The following PBRM1 variants were observed in gnomAD, a reference collection of about 807,000 sequenced individuals.
PBRM1 encodes protein polybromo-1.
Under a neutral mutation model 194.5 loss-of-function variants are expected in PBRM1, and 27 were observed. That is an observed-to-expected ratio of 0.14 (90% CI 0.10 to 0.19). The LOEUF (loss-of-function observed/expected upper bound fraction) is 0.19, where lower values mean the gene tolerates loss of function less well. Among genes scored for constraint, PBRM1 ranks in the 10% least tolerant of loss-of-function variants. The pLI is 1.00. For synonymous variants in PBRM1, 655 were observed against 693.2 expected, an observed-to-expected ratio of 0.94 and a Z score of 0.87; for missense variants, 1,466 against 2,077.2, an observed-to-expected ratio of 0.71 and a Z score of 5.72.
chr3:52,664,412 G>GA (rs58727570), intron 3 of PBRM1, among the ~76,000 whole-genome samples: 12,607 of 101,092 alleles, frequency 0.12, 862 homozygotes, highest in Middle Eastern at 0.17. Context: ...TGAAAGAACT[G>GA]AAAAAAAAAA....
At chr3:52,627,403 A>C in intron 12 of PBRM1, 33 bp from the exon 14 acceptor site, 44 of 1,334,270 alleles carry the variant, frequency 3.3e-5, no homozygotes, top group Non-Finnish European at 4.5e-5. Flanking sequence ...AGTTGAGCTC[A>C]TGTGCCAAAC....
At chr3:52,565,489 T>C (rs891789107) in intron 22 of PBRM1, among the ~76,000 whole-genome samples, 4 of 142,574 alleles carry the variant, frequency 2.8e-5, no homozygotes, top group South Asian at 2.2e-4. Flanking sequence ...GCCTGGGCAA[T>C]AGAGCGAGAC....
intron 10 of PBRM1, among the ~76,000 whole-genome samples, chr3:52,638,232 C>G (rs2095903194): frequency 6.6e-6 from 1 of 152,140 alleles, no homozygotes; most frequent in Admixed American, 6.6e-5. Context: ...ATATTAGATT[C>G]ACAGGTTATG....
intron 17 of PBRM1, among the ~76,000 whole-genome samples, chr3:52,594,842 C>T (rs1382443757): frequency 6.6e-6 from 1 of 152,082 alleles, no homozygotes; most frequent in Non-Finnish European, 1.5e-5. Context: ...TTGGTTTGGC[C>T]GGACAGAAAT....
intron 13 of PBRM1, among the ~76,000 whole-genome samples, chr3:52,622,379 GACA>G (rs1576935184): frequency 1.3e-5 from 2 of 151,976 alleles, no homozygotes; most frequent in East Asian, 1.9e-4. Flanking sequence ...TACTTAGGAG[GACA>G]ACAATTCAGA....
chr3:52,584,714 C>G (rs1231631833), intron 20 of PBRM1, among the ~76,000 whole-genome samples: 1 of 151,936 alleles, frequency 6.6e-6, no homozygotes, highest in Non-Finnish European at 1.5e-5. Flanking sequence ...CCCTGGCCTC[C>G]CAAAGTTCTA....
intron 16 of PBRM1, 128 bp from the exon 19 acceptor site, chr3:52,603,860 G>A (rs912475208): frequency 1.8e-5 from 15 of 829,594 alleles, no homozygotes; most frequent in Non-Finnish European, 2.7e-5. Flanking sequence ...TCTATGAAGA[G>A]TATCTTTCCG....
intron 10 of PBRM1, 113 bp downstream of exon 11, chr3:52,641,841 T>A (rs376918329): frequency 5.1e-5 from 39 of 765,498 alleles, no homozygotes; most frequent in Middle Eastern, 4.6e-4. Flanking sequence ...TGCAATAAAA[T>A]AGCATGTACT....
intron 2 of PBRM1, among the ~76,000 whole-genome samples, chr3:52,674,050 C>CA (rs67067923): frequency 8.0e-5 from 11 of 137,240 alleles, no homozygotes; most frequent in East Asian, 2.2e-4. Context: ...GACACTGTCT[C>CA]AAAAAAAAAA....
At position 52,564,088 on chromosome 3, in the gene PBRM1, G is replaced by C. The variant is rs749972956; in HGVS notation, c.3837C>G (p.Leu1279=). The change falls in exon 23 of 30, where the codon CTC becomes CTG. Residue 1279 remains leucine (L), a synonymous_variant. Transcript: ENST00000296302. ...TTTCATCATCTACCACTTTAGCAGA[G>C]AGTGAAAACCTCTTCAATCCTTTGA... 7 of 1,613,368 alleles carry C rather than the reference G, an allele frequency of 4.3e-6. No individual in the cohort carries two copies. The Admixed American group carries it at 1.2e-4, about 27-fold the overall frequency.
In PBRM1 at chr3:52,587,343, A is replaced by G; in HGVS notation, c.3123+10T>C. On this transcript the variant is annotated intron_variant, in intron 19 of 29. Coordinates refer to ENST00000296302, the Ensembl canonical transcript of PBRM1. ...ATGAGTGAGACTTTGGGATTTAATG[A>G]GTTTCTTACCTTGACAAACATGACC... 6.3e-7 allele frequency: 1 copy of G among 1,581,986 alleles called. No individual in the cohort carries two copies. Among genetic ancestry groups the G allele is most frequent in the Non-Finnish European group, 8.6e-7 (1 of 1,156,790 alleles).
intron 13 of PBRM1, among the ~76,000 whole-genome samples, chr3:52,623,451 T>G (rs1039941359): frequency 2.0e-5 from 3 of 152,234 alleles, no homozygotes; most frequent in Non-Finnish European, 4.4e-5. Context: ...GTTCTTTCTT[T>G]TACAAGGCTT....
chr3:52,636,566 G>A (rs960911401), intron 10 of PBRM1, among the ~76,000 whole-genome samples: 1 of 151,052 alleles, frequency 6.6e-6, no homozygotes, highest in Non-Finnish European at 1.5e-5. Context: ...GACCAGCCTG[G>A]CCAACATGAT....
chr3:52,546,695 A>C, downstream of PBRM1: 1 of 232,836 alleles, frequency 4.3e-6, no homozygotes, highest in Non-Finnish European at 8.5e-6. Context: ...ACATGCCGCC[A>C]AGTGAAACAA....
At chr3:52,648,544 C>T (rs1053903298) in intron 6 of PBRM1, 102 bp from the exon 8 acceptor site, 2 of 617,518 alleles carry the variant, frequency 3.2e-6, no homozygotes, top group East Asian at 2.8e-5. Flanking sequence ...CACCATATTC[C>T]AAGACTTTAT....
intron 20 of PBRM1, among the ~76,000 whole-genome samples, chr3:52,585,259 G>A (rs2092186208): frequency 6.6e-6 from 1 of 152,182 alleles, no homozygotes; most frequent in South Asian, 2.1e-4. Context: ...GAAATTTCTT[G>A]TTCTCCCTGC....
intron 27 of PBRM1, among the ~76,000 whole-genome samples, chr3:52,554,426 G>T (rs771758323): frequency 6.6e-6 from 1 of 152,236 alleles, no homozygotes; most frequent in Non-Finnish European, 1.5e-5. Context: ...GCTTTTCAAG[G>T]ACATGTCAAA....
intron 26 of PBRM1, 90 bp downstream of exon 28, chr3:52,558,159 C>A: frequency 1.1e-6 from 1 of 898,132 alleles, no homozygotes. Context: ...TGAGAAAAGG[C>A]AATAGACTGT....
At position 52,636,750 on chromosome 3, in the gene PBRM1, C is replaced by CT. The variant is rs1274016520; in HGVS notation, c.1088-1936dup. Among the ~76,000 whole-genome samples the CT allele has an allele frequency of 1.4e-4, 8 of 55,308 alleles. No homozygotes were observed. The South Asian group carries it at 1.7e-3, about 11-fold the overall frequency. The allele number at this position is 55,308 out of a possible 152,430, so 36.3% of individuals were successfully genotyped here. A position where few individuals can be genotyped will look rare whatever the true frequency, so the allele number is the denominator to read the frequency against. On this transcript the variant is annotated intron_variant, in intron 10 of 29. Coordinates refer to ENST00000296302, the Ensembl canonical transcript of PBRM1. ...CCAGCCTGGGCAAAAGAGTGAAACT[C>CT]TGTCTCCAAAAAAAAAAAAAAAAAA...
Sources: allele counts gnomAD v4.1 joint callset (sites outside exome capture counted in the v4.1 genomes callset), GRCh38; gene constraint gnomAD v4.1.1; transcripts MANE v1.5; gene names NCBI Gene and HGNC (gene_info 2026-07-23, HGNC 2026-07-21).